PPA2: variants seen among roughly 807,000 people sequenced by gnomAD.
PPA2 encodes the protein inorganic pyrophosphatase 2, also known as inorganic pyrophosphatase 2, mitochondrial.
PPA2 carries 48 observed loss-of-function variants against 49.5 expected under a neutral mutation model. The observed-to-expected ratio is 0.97, with a 90% confidence interval of 0.77 to 1.23. The LOEUF (loss-of-function observed/expected upper bound fraction) is 1.23, where lower values mean the gene tolerates loss of function less well. PPA2 is among the 50% of genes most tolerant of loss of function. The probability of loss-of-function intolerance (pLI) is 0.00; values close to 1 mark genes in which losing one functional copy is unlikely to be tolerated. For synonymous variants in PPA2, 131 were observed against 139.9 expected (o/e 0.94, Z 0.45); for missense variants, 429 against 410.1 (o/e 1.05, Z -0.40).
intron 10 of PPA2, among the ~76,000 whole-genome samples, chr4:105,383,262 T>C (rs895474471): frequency 6.6e-6 from 1 of 152,204 alleles, no homozygotes; most frequent in African/African-American, 2.4e-5. Flanking sequence ...TCTGAAATCT[T>C]TGCAGATCTT....
intron 10 of PPA2, among the ~76,000 whole-genome samples, chr4:105,372,562 T>A (rs910121557): frequency 6.6e-6 from 1 of 152,164 alleles, no homozygotes; most frequent in East Asian, 1.9e-4. Flanking sequence ...GTAGGCCCCA[T>A]CTGATCAGTT....
chr4:105,388,432 A>T (rs1485356700), intron 9 of PPA2, among the ~76,000 whole-genome samples: 1 of 152,036 alleles, frequency 6.6e-6, no homozygotes, highest in Non-Finnish European at 1.5e-5. Context: ...TTTAAAAATT[A>T]AAAAAATTTA....
At chr4:105,409,953 G>T (rs1722674580) in intron 7 of PPA2, among the ~76,000 whole-genome samples, 1 of 152,130 alleles carries the variant, frequency 6.6e-6, no homozygotes, top group African/African-American at 2.4e-5. Context: ...ACAAAGATGG[G>T]GAGAAAACAG....
chr4:105,456,447 C>T lies in PPA2; in HGVS notation c.222+234G>A, dbSNP rs538820591. 1.8e-3 allele frequency: 875 copies of T among 481,664 alleles called. 14 individuals are homozygous for T. Among genetic ancestry groups the T allele is most frequent in the South Asian group, 0.015 (694 of 47,402 alleles). The allele number at this position is 481,664 out of a possible 1,614,324, so 29.8% of individuals were successfully genotyped here. A position where few individuals can be genotyped will look rare whatever the true frequency, so the allele number is the denominator to read the frequency against. On this transcript the variant is annotated intron_variant, in intron 2 of 11. Transcript: ENST00000341695. ...CTACCCTTAAATCTTTATTTCCTAC[C>T]GAATTCTAAGTTTTATGTACCAGTA...
intron 7 of PPA2, chr4:105,405,526 T>C (rs1722426737): frequency 2.2e-6 from 2 of 926,290 alleles, no homozygotes; most frequent in South Asian, 4.9e-5. Context: ...ATAGAATTAC[T>C]TGAGTGAAGT....
At chr4:105,434,715 A>AT (rs1040719595) in intron 6 of PPA2, among the ~76,000 whole-genome samples, 6 of 152,236 alleles carry the variant, frequency 3.9e-5, no homozygotes, top group Non-Finnish European at 8.8e-5. Flanking sequence ...ATAAGAACAG[A>AT]TAAGACATGT....
At chr4:105,472,082 T>C (rs1380678069) in intron 1 of PPA2, among the ~76,000 whole-genome samples, 1 of 152,202 alleles carries the variant, frequency 6.6e-6, no homozygotes, top group Non-Finnish European at 1.5e-5. Flanking sequence ...ACTGTTAGAA[T>C]CTCCGTTATT....
In PPA2 at chr4:105,449,388, T is replaced by A; in HGVS notation, c.283A>T (p.Ile95Phe). 1 of 1,579,110 alleles carries A rather than the reference T, an allele frequency of 6.3e-7. No homozygotes were observed. Among genetic ancestry groups the A allele is most frequent in the South Asian group, 1.1e-5 (1 of 88,360 alleles). The part of the protein sequence containing the change: ...NDEYENLFNM[I>F]VEIPRWTNAK... The stretch of plus-strand genomic sequence containing the variant: ...TTTGTCCACCGAGGTATTTCTACAA[T>A]CATATTAAACAGATTCTGCAGTTAA... The change falls in exon 4 of 12, where the codon ATT becomes TTT. Residue 95 changes from isoleucine (I) to phenylalanine (F), a missense_variant. By Grantham distance (21) the Ile-to-Phe change is conservative (BLOSUM62 0). Coordinates refer to ENST00000341695, the MANE Select transcript of PPA2 (RefSeq NM_176869.3).
chr4:105,421,509 A>ATTTATGTC (rs1723251835), intron 7 of PPA2, among the ~76,000 whole-genome samples: 1 of 152,230 alleles, frequency 6.6e-6, no homozygotes, highest in African/African-American at 2.4e-5. Context: ...TATGAAAGAC[A>ATTTATGTC]TAAATACCAA....
At chr4:105,421,446 A>G (rs974289632) in intron 7 of PPA2, among the ~76,000 whole-genome samples, 1 of 152,180 alleles carries the variant, frequency 6.6e-6, no homozygotes, top group Non-Finnish European at 1.5e-5. Context: ...AATTAATTTT[A>G]TAATTTTTAA....
intron 8 of PPA2, 107 bp from the exon 9 acceptor site, chr4:105,396,441 C>T: frequency 1.4e-6 from 1 of 727,774 alleles, no homozygotes; most frequent in Non-Finnish European, 2.2e-6. Context: ...AGAGCATGAG[C>T]TCCAGAGTCA....
intron 5 of PPA2, among the ~76,000 whole-genome samples, chr4:105,442,633 G>C (rs909226654): frequency 6.6e-6 from 1 of 152,170 alleles, no homozygotes; most frequent in Non-Finnish European, 1.5e-5. Flanking sequence ...AAGACGAGAT[G>C]AATTTTTGCC....
intron 10 of PPA2, among the ~76,000 whole-genome samples, chr4:105,385,406 G>GT (rs1213657720): frequency 3.4e-4 from 50 of 147,940 alleles, no homozygotes; most frequent in Middle Eastern, 3.4e-3. Flanking sequence ...TGACACATCA[G>GT]TAAAAAAAAA....
rs1200655601 is a variant in PPA2, at chr4:105,412,290, ACATCTAC to A, written c.655+11899_655+11905del. Among the ~76,000 whole-genome samples the A allele has an allele frequency of 5.3e-5, 8 of 152,310 alleles. No homozygotes were observed. In the East Asian group the frequency reaches 1.5e-3, roughly 29 times the overall value. ...ACAGAGGCCTCACAAATAACACCAC[ACATCTAC>A]AACCATCTGATCCTTGAAAAACCTG... On this transcript the variant is annotated intron_variant, in intron 7 of 11. Transcript: ENST00000341695.
rs142379853 is a variant in PPA2 at position 105,473,906 on chromosome 4, G to A, written c.145C>T (p.Arg49Cys). The A allele has an allele frequency of 1.2e-6, 2 of 1,600,492 alleles. No homozygotes were observed. Among genetic ancestry groups the A allele is most frequent in the Non-Finnish European group, 1.7e-6 (2 of 1,172,760 alleles). Reference protein sequence around the residue: ...ERGQPCSQNYRLFFKNVTGHY... With the variant: ...ERGQPCSQNYCLFFKNVTGHY... ...GGGAGCTACTTACTAAAGAAGAGGCGGTAATTCTGCGAGCAGGGCTGGCCG... is the reference window on the plus strand; with the variant it reads ...GGGAGCTACTTACTAAAGAAGAGGCAGTAATTCTGCGAGCAGGGCTGGCCG... Residue 49 changes from arginine to cysteine, a missense_variant, in exon 1 of 12, where the codon CGC becomes TGC. Arg to Cys is a radical substitution (Grantham distance 180, BLOSUM62 -3). Coordinates refer to ENST00000341695, the MANE Select transcript of PPA2 (RefSeq NM_176869.3).
intron 7 of PPA2, among the ~76,000 whole-genome samples, chr4:105,410,422 C>T (rs1245965275): frequency 6.6e-6 from 1 of 152,122 alleles, no homozygotes; most frequent in Non-Finnish European, 1.5e-5. Context: ...TGTGAAAAGA[C>T]CAAATCTACG....
At chr4:105,458,693 A>C (rs1297416505) in intron 1 of PPA2, among the ~76,000 whole-genome samples, 1 of 151,864 alleles carries the variant, frequency 6.6e-6, no homozygotes, top group African/African-American at 2.4e-5. Context: ...GTGGTGGTGC[A>C]TGCCTGTAAT....
chr4:105,379,933 C>T (rs1043551056), intron 10 of PPA2, among the ~76,000 whole-genome samples: 3 of 152,188 alleles, frequency 2.0e-5, no homozygotes, highest in Non-Finnish European at 4.4e-5. Flanking sequence ...TGTGCCCGGT[C>T]TGCAATTGTT....
rs1724453125 is a variant in PPA2, at chr4:105,443,386, G to A, written c.441+2997C>T. On this transcript the variant is annotated intron_variant, in intron 5 of 11. Transcript: ENST00000341695. ...GGAGATGAGATTAAAAAGATAAATGGGACCAGGGGCTGGCTTTCATTTTAA... is the reference window on the plus strand; with the variant it reads ...GGAGATGAGATTAAAAAGATAAATGAGACCAGGGGCTGGCTTTCATTTTAA... 5.3e-5 allele frequency among the ~76,000 whole-genome samples: 8 copies of A among 149,938 alleles called. No individual in the cohort carries two copies. In the South Asian group the frequency reaches 1.7e-3, roughly 32 times the overall value.
Sources: gnomAD v4.1 joint callset for allele counts (sites outside exome capture counted in the v4.1 genomes callset) on GRCh38, gnomAD v4.1.1 for gene constraint, MANE v1.5 for transcripts, NCBI Gene and HGNC (gene_info 2026-07-23, HGNC 2026-07-21) for gene names.